LY75: variants seen among roughly 807,000 people sequenced by gnomAD.
LY75 encodes the protein C-type lectin domain family 13 member B.
A neutral mutation model predicts 231.7 loss-of-function variants in LY75; 185 were observed. The observed-to-expected ratio is 0.80, with a 90% CI of 0.71 to 0.90. The LOEUF is 0.90. LY75 is among the 40% of genes least tolerant of loss of function. The pLI, the probability that LY75 is intolerant of heterozygous loss-of-function variation, is 0.00. For missense variants in LY75, 1,947 were observed against 2,050.2 expected (o/e 0.95, Z 0.97); for synonymous variants, 668 against 689.0 (o/e 0.97, Z 0.48).
intron 13 of LY75, among the ~76,000 whole-genome samples, chr2:159,865,347 T>C (rs1392870945): frequency 1.3e-5 from 2 of 152,154 alleles, no homozygotes; most frequent in African/African-American, 4.8e-5. Context: ...ATTTGAAACA[T>C]AGTTGAGTTC....
chr2:159,879,418 C>T (rs775902483), intron 8 of LY75, 49 bp from the exon 9 acceptor site: 1 of 1,608,086 alleles, frequency 6.2e-7, no homozygotes, highest in Non-Finnish European at 8.5e-7. Flanking sequence ...TTATTTACCG[C>T]ATATTCAGAA....
rs1256811513 is a variant in LY75, at chr2:159,840,632, T to C, written c.3507+97A>G. The C allele has an allele frequency of 2.2e-5, 33 of 1,520,782 alleles. No individual in the cohort carries two copies. The South Asian group carries it at 3.7e-4, about 17-fold the overall frequency. The allele number at this position is 1,520,782 out of a possible 1,614,324, so 94.2% of individuals were successfully genotyped here. On this transcript the variant is annotated intron_variant, in intron 25 of 34. Coordinates refer to ENST00000263636, the MANE Select transcript of LY75 (RefSeq NM_002349.4). ...AATTTACTGGAGTAAGATTTTCAGT[T>C]CTTCTGTTTGTTTTAGTCTGCTGTG...
intron 21 of LY75, among the ~76,000 whole-genome samples, chr2:159,851,624 A>T (rs1684404394): frequency 6.6e-6 from 1 of 152,226 alleles, no homozygotes. Flanking sequence ...TCTTTTCAGA[A>T]GCCAAATGCA....
At position 159,814,863 on chromosome 2, in the gene LY75, T is replaced by C. The variant is rs558598688; in HGVS notation, c.4549+542A>G. Among the ~76,000 whole-genome samples, 35 of 152,166 alleles carry C rather than the reference T, an allele frequency of 2.3e-4. 2 individuals carry two copies. In the South Asian group the frequency reaches 7.3e-3, roughly 32 times the overall value. Reference sequence around the variant, plus strand: ...GCTAAGTGAAATTAGAATTCACAAATTCTAGGGTAGAATTTACCTGGTGAC... The same window carrying C: ...GCTAAGTGAAATTAGAATTCACAAACTCTAGGGTAGAATTTACCTGGTGAC... On this transcript the variant is annotated intron_variant, in intron 31 of 34. Transcript: ENST00000263636.
chr2:159,893,951 AT>A lies in LY75; in HGVS notation c.599del (p.Tyr200LeufsTer11). On this transcript the variant is annotated frameshift_variant, in exon 3 of 35. Transcript: ENST00000263636. LOFTEE classifies it high-confidence loss of function. ...AGATGCCCCACTTTCGGTCATATTC[AT>A]AATTTAAGGTGGTGGCACACCATGG... The part of the protein sequence containing the change: ...SGPWCATTLN[Y>X]EYDRKWGICL... The A allele has an allele frequency of 6.2e-7, 1 of 1,613,596 alleles. No individual in the cohort carries two copies. The highest frequency in any genetic ancestry group is 1.1e-5 in the South Asian group (1 of 90,990).
intron 19 of LY75, 24 bp downstream of exon 19, chr2:159,853,606 G>T: frequency 1.2e-6 from 2 of 1,612,914 alleles, no homozygotes; most frequent in Non-Finnish European, 8.5e-7. Flanking sequence ...ACTTTACAAA[G>T]GTAGAATCAA....
At chr2:159,832,367 C>T (rs75031234) in intron 27 of LY75, among the ~76,000 whole-genome samples, 4 of 152,058 alleles carry the variant, frequency 2.6e-5, no homozygotes, top group African/African-American at 9.7e-5. Context: ...ACTATGCATG[C>T]GAGGGATATA....
rs1242239228 is a variant in LY75, at chr2:159,877,062, T to G, written c.1774+1262A>C. ...AAAAAGAAAAAGAAAAAAAGAAATC[T>G]ATGTGCTTTATCCATTAGAGTGTTC... On this transcript the variant is annotated intron_variant, in intron 11 of 34. Coordinates refer to ENST00000263636, the MANE Select transcript of LY75 (RefSeq NM_002349.4). Among the ~76,000 whole-genome samples, 7 of 145,410 alleles carry G rather than the reference T, an allele frequency of 4.8e-5. No individual in the cohort carries two copies. The East Asian group carries it at 1.4e-3, about 29-fold the overall frequency.
chr2:159,890,837 A>C (rs571004298), intron 3 of LY75, among the ~76,000 whole-genome samples: 7 of 152,188 alleles, frequency 4.6e-5, no homozygotes, highest in Non-Finnish European at 8.8e-5. Flanking sequence ...ATTGAGCCCA[A>C]GTGACTACCT....
Position 159,852,359 on chromosome 2 carries a change from G to A in LY75, c.2744-19C>T. ...CCTAAGTCTGAGAAATGAAAAGCCA[G>A]GATTACTATGGTGAGAATTTTTCAG... is the stretch of plus-strand genomic sequence containing the variant. On this transcript the variant is annotated intron_variant, in intron 20 of 34. Transcript: ENST00000263636. 1 of 1,603,012 alleles carries A rather than the reference G, an allele frequency of 6.2e-7. No homozygotes were observed. The highest frequency in any genetic ancestry group is 8.5e-7 in the Non-Finnish European group (1 of 1,175,350).
chr2:159,854,344 T>C lies in LY75; in HGVS notation c.2595+16A>G. On this transcript the variant is annotated intron_variant, in intron 18 of 34. Transcript: ENST00000263636. ...AAAAATAAGAAATATATTTAAAATA[T>C]ATTCTTTTAAATTACATTTGCTATT... 7.5e-7 allele frequency: 1 copy of C among 1,336,142 alleles called. No homozygotes were observed. The highest frequency in any genetic ancestry group is 9.7e-7 in the Non-Finnish European group (1 of 1,026,166). The allele number at this position is 1,336,142 out of a possible 1,614,324, so 82.8% of individuals were successfully genotyped here.
chr2:159,822,040 G>A (rs1164358066), intron 28 of LY75, among the ~76,000 whole-genome samples: 2 of 152,210 alleles, frequency 1.3e-5, no homozygotes, highest in African/African-American at 4.8e-5. Context: ...ACCTGCAAAC[G>A]AGGAGATTCC....
chr2:159,877,024 A>AG (rs1324160898), intron 11 of LY75, among the ~76,000 whole-genome samples: 8 of 147,682 alleles, frequency 5.4e-5, no homozygotes, highest in East Asian at 1.9e-4. Flanking sequence ...AAAAAAAAAA[A>AG]AAAAAAAAAA....
At chr2:159,901,915 T>C (rs1273375561) in intron 1 of LY75, among the ~76,000 whole-genome samples, 1 of 152,210 alleles carries the variant, frequency 6.6e-6, no homozygotes, top group African/African-American at 2.4e-5. Flanking sequence ...TCATGATGCT[T>C]CCCCGTATCT....
chr2:159,820,123 A>C (rs113963426), intron 28 of LY75, among the ~76,000 whole-genome samples: 1 of 152,234 alleles, frequency 6.6e-6, no homozygotes, highest in African/African-American at 2.4e-5. Flanking sequence ...AATACAAACT[A>C]TAAATATTGA....
intron 31 of LY75, among the ~76,000 whole-genome samples, chr2:159,814,998 T>C (rs1453819529): frequency 8.6e-5 from 2 of 23,234 alleles, no homozygotes; most frequent in South Asian, 9.5e-4. Flanking sequence ...TGAATACATC[T>C]TTTTTTTTTT....
intron 32 of LY75, among the ~76,000 whole-genome samples, chr2:159,809,976 C>T (rs959343004): frequency 6.6e-6 from 1 of 151,152 alleles, no homozygotes; most frequent in African/African-American, 2.4e-5. Flanking sequence ...CCGCACCCAG[C>T]CACCACTTTA....
intron 25 of LY75, among the ~76,000 whole-genome samples, chr2:159,839,012 T>G (rs1456327847): frequency 6.6e-6 from 1 of 152,036 alleles, no homozygotes; most frequent in Non-Finnish European, 1.5e-5. Flanking sequence ...GCCAGGCTGG[T>G]CCCAAACTCC....
intron 11 of LY75, among the ~76,000 whole-genome samples, chr2:159,877,892 A>G (rs987460975): frequency 3.3e-5 from 5 of 152,160 alleles, no homozygotes; most frequent in African/African-American, 1.2e-4. Context: ...AAACAAAAAC[A>G]AAATAAATAA....
Sources: allele counts gnomAD v4.1 joint callset (sites outside exome capture counted in the v4.1 genomes callset), GRCh38; gene constraint gnomAD v4.1.1; transcripts MANE v1.5; gene names NCBI Gene and HGNC (gene_info 2026-07-23, HGNC 2026-07-21).